Variants in TENT4B observed in about 807,000 individuals in gnomAD.
TENT4B encodes terminal nucleotidyltransferase 4B.
Under a neutral mutation model 75.0 loss-of-function variants are expected in TENT4B, and 10 were observed. The observed-to-expected ratio is 0.13, with a 90% CI of 0.08 to 0.23. The LOEUF is 0.23. TENT4B is among the 10% of genes least tolerant of loss of function. The pLI is 1.00. For missense variants in TENT4B, 579 were observed against 893.8 expected, an observed-to-expected ratio of 0.65 and a Z score of 4.49; for synonymous variants, 350 against 357.7, an observed-to-expected ratio of 0.98 and a Z score of 0.24.
At chr16:50,197,814 A>G (rs1744365619) in intron 1 of TENT4B, among the ~76,000 whole-genome samples, 1 of 152,126 alleles carries the variant, frequency 6.6e-6, no homozygotes. Flanking sequence ...GCCACCTTTG[A>G]TTGGCCAAAA....
At chr16:50,183,521 CT>C (rs34736585) in intron 1 of TENT4B, among the ~76,000 whole-genome samples, 76,537 of 119,522 alleles carry the variant, frequency 0.64, 24,333 homozygotes, top group Non-Finnish European at 0.73. Context: ...CTTAAAAACC[CT>C]TTTTTTTTTT....
At chr16:50,217,434 T>C (rs2031617034) in intron 4 of TENT4B, 122 bp from the exon 5 acceptor site, 3 of 576,042 alleles carry the variant, frequency 5.2e-6, no homozygotes, top group Middle Eastern at 9.2e-4. Context: ...ATATTTAGAA[T>C]ACTCAGTGTT....
intron 1 of TENT4B, among the ~76,000 whole-genome samples, chr16:50,177,519 A>G (rs2038333439): frequency 6.6e-6 from 1 of 152,106 alleles, no homozygotes; most frequent in South Asian, 2.1e-4. Context: ...GTGGGATTAG[A>G]GTCCTTCATA....
rs1567513252 is a variant in TENT4B at position 50,223,344 on chromosome 16, C to T, written c.1338C>T (p.Gly446=). Reference sequence around the variant, plus strand: ...AAGTACAGAAAAATATGCTAGATGGCTACAGGCCATCAATGCTTTATATCG... The same window carrying T: ...AAGTACAGAAAAATATGCTAGATGGTTACAGGCCATCAATGCTTTATATCG... ...KDEVQKNMLD[G]YRPSMLYIED... The change falls in exon 7 of 12, where the codon GGC becomes GGT. Residue 446 remains glycine, a synonymous_variant. Coordinates refer to ENST00000561678, the MANE Select transcript of TENT4B (RefSeq NM_001365324.3). 7.4e-6 allele frequency: 12 copies of T among 1,613,270 alleles called. No individual in the cohort carries two copies. Among genetic ancestry groups the T allele is most frequent in the Admixed American group, 5.0e-5 (3 of 59,896 alleles).
intron 1 of TENT4B, among the ~76,000 whole-genome samples, chr16:50,184,608 A>C (rs1412241893): frequency 6.6e-6 from 1 of 152,142 alleles, no homozygotes; most frequent in African/African-American, 2.4e-5. Flanking sequence ...CGGAGCTGGC[A>C]GTGAGCCGAG....
intron 3 of TENT4B, among the ~76,000 whole-genome samples, chr16:50,215,687 C>A (rs1047062811): frequency 6.6e-6 from 1 of 152,156 alleles, no homozygotes; most frequent in South Asian, 2.1e-4. Flanking sequence ...ACCTGTTCTG[C>A]ATCCAGCTTA....
rs34413257 is a variant in TENT4B, at chr16:50,230,300, G to GAA, written c.*988_*989dup. ...TTTTCCCCCCATTTCTTCCTAATAG[G>GAA]AAAAAAAAAAAAAAAAAGGTCACCC... On this transcript the variant is annotated 3_prime_UTR_variant, in exon 12 of 12. Coordinates refer to ENST00000561678, the MANE Select transcript of TENT4B (RefSeq NM_001365324.3). 44,861 of 909,184 alleles carry GAA rather than the reference G, an allele frequency of 0.049. 245 individuals carry two copies. Among genetic ancestry groups the GAA allele is most frequent in the African/African-American group, 0.093 (4,471 of 48,116 alleles). 56.3% of individuals were successfully genotyped at this position (909,184 alleles called of 1,614,324 possible).
chr16:50,156,623 C>T (rs1277885532), intron 1 of TENT4B, among the ~76,000 whole-genome samples: 1 of 152,074 alleles, frequency 6.6e-6, no homozygotes, highest in African/African-American at 2.4e-5. Flanking sequence ...GGATTACAGG[C>T]ATGAGCCACC....
rs2032249924 is a variant in TENT4B at position 50,230,332 on chromosome 16, G to A, written c.*1004G>A. ...AAAAAAAAAAAGGTCACCCATGTCT[G>A]GTCTCATTCCTGTTGCAGTGAAACT... On this transcript the variant is annotated 3_prime_UTR_variant, in exon 12 of 12. Coordinates refer to ENST00000561678, the MANE Select transcript of TENT4B (RefSeq NM_001365324.3). The A allele has an allele frequency of 1.0e-6, 1 of 978,958 alleles. No homozygotes were observed. Among genetic ancestry groups the A allele is most frequent in the Non-Finnish European group, 1.2e-6 (1 of 828,808 alleles). 60.6% of individuals were successfully genotyped at this position (978,958 alleles called of 1,614,324 possible).
chr16:50,169,953 G>A (rs977168982), intron 1 of TENT4B, among the ~76,000 whole-genome samples: 2 of 152,196 alleles, frequency 1.3e-5, no homozygotes, highest in Non-Finnish European at 2.9e-5. Flanking sequence ...CTTCTGCTCA[G>A]TAGACAAAGT....
At chr16:50,168,522 C>T (rs2038146077) in intron 1 of TENT4B, among the ~76,000 whole-genome samples, 1 of 149,442 alleles carries the variant, frequency 6.7e-6, no homozygotes, top group East Asian at 2.0e-4. Context: ...TCATGTTGGC[C>T]AGACTGGTCT....
intron 10 of TENT4B, 77 bp from the exon 11 acceptor site, chr16:50,227,761 CA>C: frequency 1.3e-6 from 2 of 1,523,610 alleles, no homozygotes; most frequent in Non-Finnish European, 1.8e-6. Flanking sequence ...GTACTTTAAC[CA>C]AAATTGTTTT....
At chr16:50,203,386 C>T (rs1398292602) in intron 1 of TENT4B, among the ~76,000 whole-genome samples, 1 of 152,112 alleles carries the variant, frequency 6.6e-6, no homozygotes, top group Non-Finnish European at 1.5e-5. Flanking sequence ...TTAGGCATGG[C>T]CTTTTTCAAG....
chr16:50,214,115 A>G, intron 2 of TENT4B, 106 bp from the exon 3 acceptor site: 5 of 807,006 alleles, frequency 6.2e-6, no homozygotes, highest in Non-Finnish European at 1.0e-5. Flanking sequence ...ACCAAAAAGT[A>G]CCAGTAGAGG....
Position 50,224,871 on chromosome 16 carries a change from T to G in TENT4B, c.1509-20T>G. On this transcript the variant is annotated intron_variant, in intron 8 of 11. Coordinates refer to ENST00000561678, the MANE Select transcript of TENT4B (RefSeq NM_001365324.3). ...TTAATGTTATTCCCTCCCTCTCCCT[T>G]TCTTTTTAAACACATGCAGCATACT... is the stretch of plus-strand genomic sequence containing the variant. The G allele has an allele frequency of 1.9e-6, 3 of 1,612,192 alleles. No homozygotes were observed. Among genetic ancestry groups the G allele is most frequent in the Non-Finnish European group, 2.5e-6 (3 of 1,178,574 alleles).
intron 1 of TENT4B, among the ~76,000 whole-genome samples, chr16:50,178,883 A>T (rs1229616801): frequency 6.6e-6 from 1 of 152,142 alleles, no homozygotes; most frequent in African/African-American, 2.4e-5. Context: ...ATGGAGGTGG[A>T]TGGTGGTGAG....
At position 50,227,867 on chromosome 16, in the gene TENT4B, C is replaced by T. The variant is rs781524309; in HGVS notation, c.1829C>T (p.Pro610Leu). Residue 610 changes from proline (P) to leucine (L), a missense_variant, in exon 11 of 12, where the codon CCG (proline) becomes CTG (leucine). Pro to Leu is a moderately conservative substitution (Grantham distance 98). Coordinates refer to ENST00000561678, the MANE Select transcript of TENT4B (RefSeq NM_001365324.3). ...VDSDATPCKT[P>L]KQLLCRPSTG... is the part of the protein sequence containing the mutation. ...TCCGATGCAACACCATGCAAAACCC[C>T]GAAACAGCTGCTTTGCCGTCCGTCC... is the stretch of plus-strand genomic sequence containing the variant. 29 of 1,613,826 alleles carry T rather than the reference C, an allele frequency of 1.8e-5. No individual in the cohort carries two copies. The highest frequency in any genetic ancestry group is 2.3e-5 in the Non-Finnish European group (27 of 1,179,900).
At chr16:50,167,136 T>C (rs1339915355) in intron 1 of TENT4B, among the ~76,000 whole-genome samples, 1 of 152,126 alleles carries the variant, frequency 6.6e-6, no homozygotes, top group Non-Finnish European at 1.5e-5. Flanking sequence ...TCTTTTGACT[T>C]CCCTGGGCCA....
intron 1 of TENT4B, among the ~76,000 whole-genome samples, chr16:50,186,407 C>T (rs2038528549): frequency 6.6e-6 from 1 of 152,056 alleles, no homozygotes; most frequent in Admixed American, 6.6e-5. Context: ...CATGTGGTAG[C>T]TTGTATCACT....
Sources: allele counts gnomAD v4.1 joint callset (sites outside exome capture counted in the v4.1 genomes callset), GRCh38; gene constraint gnomAD v4.1.1; transcripts MANE v1.5; gene names NCBI Gene and HGNC (gene_info 2026-07-23, HGNC 2026-07-21).